Variants in BAZ2A observed in about 807,000 individuals in gnomAD.
BAZ2A encodes bromodomain adjacent to zinc finger domain 2A, also known as bromodomain adjacent to zinc finger domain protein 2A.
BAZ2A carries 34 observed loss-of-function variants against 199.9 expected under a neutral mutation model. The ratio of observed to expected loss-of-function variants is 0.17; its 90% CI spans 0.13 to 0.23. The LOEUF (loss-of-function observed/expected upper bound fraction) is 0.23. Among genes scored for constraint, BAZ2A ranks in the 10% least tolerant of loss-of-function variants. The pLI is 1.00. For synonymous variants in BAZ2A, 857 were observed against 883.9 expected, an observed-to-expected ratio of 0.97 and a Z score of 0.54; for missense variants, 2,002 against 2,391.1, an observed-to-expected ratio of 0.84 and a Z score of 3.39.
intron 24 of BAZ2A, 52 bp downstream of exon 24, chr12:56,600,149 G>C: frequency 6.2e-7 from 1 of 1,612,260 alleles, no homozygotes; most frequent in Admixed American, 1.7e-5. Flanking sequence ...ACTAAAGAGG[G>C]AACTTATCCC....
chr12:56,635,613 G>C lies in BAZ2A; in HGVS notation c.4+569C>G, dbSNP rs891398705. Among the ~76,000 whole-genome samples, 2 of 152,140 alleles carry C rather than the reference G, an allele frequency of 1.3e-5. No individual in the cohort carries two copies. Among genetic ancestry groups the C allele is most frequent in the Admixed American group, 6.5e-5 (1 of 15,276 alleles). On this transcript the variant is annotated intron_variant, in intron 1 of 29. Coordinates refer to the BAZ2A transcript ENST00000379441. This position sits in a 1 kb window ranked among gnomAD's most constrained non-coding sequence, Gnocchi z 4.1. ...GGCCATCAATAGCAGCCCTGGTGAG[G>C]CTGATGTGGGACCATGAGAATCGAC...
At position 56,603,829 on chromosome 12, in the gene BAZ2A, A is replaced by T. The variant is rs548145626; in HGVS notation, c.3039-129T>A. The T allele has an allele frequency of 1.1e-4, 112 of 1,012,846 alleles. 1 individual carries two copies. The African/African-American group carries it at 1.8e-3, about 16-fold the overall frequency. 62.7% of individuals were successfully genotyped at this position (1,012,846 alleles called of 1,614,324 possible). A position where few individuals can be genotyped will look rare whatever the true frequency, so the allele number is the denominator to read the frequency against. Reference sequence around the variant, plus strand: ...GGAGTTCGAGACCAGCCTGGCCAACATGGTGAAACCCTGTCTCTACTAAAA... The same window carrying T: ...GGAGTTCGAGACCAGCCTGGCCAACTTGGTGAAACCCTGTCTCTACTAAAA... On this transcript the variant is annotated intron_variant, in intron 16 of 28. Transcript: ENST00000549884.
At chr12:56,630,654 G>C (rs1345322037), upstream of BAZ2A, 17 of 590,424 alleles carry the variant, frequency 2.9e-5, no homozygotes, top group Non-Finnish European at 3.4e-5. Flanking sequence ...AAGAGTCAGG[G>C]GAATTTCGGG....
upstream of BAZ2A, among the ~76,000 whole-genome samples, chr12:56,631,331 AT>A (rs1188653189): frequency 6.6e-6 from 1 of 151,682 alleles, no homozygotes; most frequent in African/African-American, 2.4e-5. Flanking sequence ...TGCCCCTGTA[AT>A]CTCAGCTACT....
At chr12:56,599,923 G>T in intron 25 of BAZ2A, 41 bp downstream of exon 25, 8 of 1,613,136 alleles carry the variant, frequency 5.0e-6, no homozygotes, top group Non-Finnish European at 6.8e-6. Context: ...CGCCCCTGCT[G>T]GCTGGCCCCT....
rs549785279 is a variant in BAZ2A at position 56,595,901 on chromosome 12, G to C, written c.*2717C>G. ...CCGTCTCCCCCTCAGGTGTGTAGAA[G>C]GGAAGATGAATACACAGAGTCTTTT... On this transcript the variant is annotated 3_prime_UTR_variant, in exon 29 of 29. Coordinates refer to ENST00000549884, the MANE Select transcript of BAZ2A (RefSeq NM_001300905.2). 1 of 90,106 alleles carries C rather than the reference G, an allele frequency of 1.1e-5. No individual in the cohort carries two copies. The highest frequency in any genetic ancestry group is 2.5e-5 in the Non-Finnish European group (1 of 39,372). 5.6% of individuals were successfully genotyped at this position (90,106 alleles called of 1,614,324 possible).
Position 56,598,423 on chromosome 12 carries a change from G to C in BAZ2A, c.*195C>G, listed in dbSNP as rs987895051. ...GACCTCATCTCTGCACCTCTTACTT[G>C]AGGAGCAAGAGGAGGGAAGGGAGAA... On this transcript the variant is annotated 3_prime_UTR_variant, in exon 29 of 29. Transcript: ENST00000549884. The C allele has an allele frequency of 1.5e-4, 99 of 659,280 alleles. No homozygotes were observed. The highest frequency in any genetic ancestry group is 2.4e-4 in the Non-Finnish European group (94 of 396,478). The allele number at this position is 659,280 out of a possible 1,614,324, so 40.8% of individuals were successfully genotyped here. A position where few individuals can be genotyped will look rare whatever the true frequency, so the allele number is the denominator to read the frequency against.
rs772642986 is a variant in BAZ2A, at chr12:56,600,463, T to C, written c.4630A>G (p.Thr1544Ala). 1 of 1,613,094 alleles carries C rather than the reference T, an allele frequency of 6.2e-7. No individual in the cohort carries two copies. Among genetic ancestry groups the C allele is most frequent in the Non-Finnish European group, 8.5e-7 (1 of 1,179,770 alleles). ...TCACAGTAGGCCAAGTCTTCACGGG[T>C]AGAGTCTGGGCTAGGACATGTCCAG... ...RGWTCPSPDS[T>A]REDLAYCEHL... is the part of the protein sequence containing the mutation. The change falls in exon 24 of 29, where the codon ACC (threonine) becomes GCC (alanine). Residue 1544 changes from threonine (T) to alanine (A), a missense_variant. Thr to Ala is a moderately conservative substitution (Grantham distance 58, BLOSUM62 0). This residue lies in a region of BAZ2A where 1,081 missense variants were observed against 1,274.7 expected (regional missense o/e 0.85). Transcript: ENST00000549884.
Position 56,605,169 on chromosome 12 carries a change from G to T in BAZ2A, c.2652C>A (p.Leu884=). The change falls in exon 14 of 29, where the codon CTC becomes CTA. Residue 884 remains leucine, a synonymous_variant. Transcript: ENST00000549884. ...CACCCAAGCTGTCACCTTGACACAG[G>T]AGTCCCTCCTGCAGGACCCCCAGGC... is the stretch of plus-strand genomic sequence containing the variant. The part of the protein sequence containing the change: ...VPSLGVLQEG[L]LCQGDSLGEV... 6.2e-7 allele frequency: 1 copy of T among 1,613,756 alleles called. No individual in the cohort carries two copies. Among genetic ancestry groups the T allele is most frequent in the Non-Finnish European group, 8.5e-7 (1 of 1,179,836 alleles).
chr12:56,636,247 T>C, exon 1 of BAZ2A: 1 of 1,567,102 alleles, frequency 6.4e-7, no homozygotes, highest in Admixed American at 1.9e-5. Context: ...GGGCCTCCAC[T>C]TCACGTAAAG....
At chr12:56,636,136 A>G in intron 1 of BAZ2A, 1 of 1,561,132 alleles carries the variant, frequency 6.4e-7, no homozygotes, top group Non-Finnish European at 8.7e-7. Context: ...CCAGGGAGGG[A>G]GTAGGCATCC....
At chr12:56,621,360 G>T in intron 1 of BAZ2A, 1 of 718,354 alleles carries the variant, frequency 1.4e-6, no homozygotes, top group Non-Finnish European at 1.7e-6. Flanking sequence ...TAGTATGTGA[G>T]ATCAGTTTCT....
At position 56,610,446 on chromosome 12, in the gene BAZ2A, C is replaced by G. The variant is rs1218047037; in HGVS notation, c.1742G>C (p.Cys581Ser). 1 of 1,613,880 alleles carries G rather than the reference C, an allele frequency of 6.2e-7. No homozygotes were observed. The highest frequency in any genetic ancestry group is 1.7e-5 in the Admixed American group (1 of 60,010). ...WQGETWYYGP[C>S]GKRMKQFPEV... is the part of the protein sequence containing the mutation. ...TGGAAATTGCTTCATCCTCTTCCCA[C>G]AGGGGCCATAATACCAGGTCTCCCC... Residue 581 changes from cysteine to serine, a missense_variant, in exon 8 of 29, where the codon TGT becomes TCT. By Grantham distance (112) the Cys-to-Ser change is moderately radical. Around this residue, in one of 6 missense-constraint regions of BAZ2A, gnomAD observed 74 missense variants for 126.1 expected, o/e 0.59. Coordinates refer to ENST00000549884, the MANE Select transcript of BAZ2A (RefSeq NM_001300905.2).
chr12:56,612,758 G>A lies in BAZ2A; in HGVS notation c.1135+257C>T, dbSNP rs1950601174. Among the ~76,000 whole-genome samples the A allele has an allele frequency of 1.3e-5, 2 of 152,326 alleles. 1 individual carries two copies. The highest frequency in any genetic ancestry group is 4.1e-4 in the South Asian group (2 of 4,832). On this transcript the variant is annotated intron_variant, in intron 5 of 28. Coordinates refer to ENST00000549884, the MANE Select transcript of BAZ2A (RefSeq NM_001300905.2). The stretch of plus-strand genomic sequence containing the variant: ...CTGCCTCAGCCTCCCAGGTAGCTGG[G>A]ATTACAGGCATGTGCCAACACACCT...
rs576308680 is a variant in BAZ2A at position 56,613,089 on chromosome 12, T to A, written c.1061A>T (p.Asp354Val). 6.2e-7 allele frequency: 1 copy of A among 1,614,010 alleles called. No homozygotes were observed. Among genetic ancestry groups the A allele is most frequent in the South Asian group, 1.1e-5 (1 of 91,084 alleles). Reference protein sequence around the residue: ...NNATAFSLLADDSQTSTSIFA... With the variant: ...NNATAFSLLAVDSQTSTSIFA... ...GATAGAGGTTGATGTTTGACTATCA[T>A]CTGCCAGGAGACTGAAGGCAGTAGC... The change falls in exon 5 of 29, where the codon GAT (aspartate) becomes GTT (valine). Residue 354 changes from aspartate to valine, a missense_variant. Transcript: ENST00000549884.
upstream of BAZ2A, chr12:56,634,910 G>A (rs1035789676): frequency 1.0e-6 from 1 of 985,136 alleles, no homozygotes; most frequent in African/African-American, 1.7e-5. Context: ...GCCCGCCAAG[G>A]GACTCCGGAG....
rs1006089766 is a variant in BAZ2A, at chr12:56,599,558, T to C, written c.5172+144A>G. ...TTTATAGAGACAGCAATTAAAGCTATAGAATTTAAGTGACTTGTCCAAAAA... is the reference window on the plus strand; with the variant it reads ...TTTATAGAGACAGCAATTAAAGCTACAGAATTTAAGTGACTTGTCCAAAAA... On this transcript the variant is annotated intron_variant, in intron 26 of 28. Transcript: ENST00000549884. The C allele has an allele frequency of 4.6e-6, 6 of 1,311,976 alleles. No individual in the cohort carries two copies. In the African/African-American group the frequency reaches 9.0e-5, roughly 20 times the overall value. The allele number at this position is 1,311,976 out of a possible 1,614,324, so 81.3% of individuals were successfully genotyped here. A position where few individuals can be genotyped will look rare whatever the true frequency, so the allele number is the denominator to read the frequency against.
chr12:56,635,018 G>A, upstream of BAZ2A: 1 of 984,716 alleles, frequency 1.0e-6, no homozygotes, highest in African/African-American at 1.7e-5. The surrounding 1 kb of genome is among the most constrained non-coding windows in gnomAD (Gnocchi z 4.1). Context: ...CGGCGGCTGC[G>A]CCTCCTCCCC....
At chr12:56,614,956 C>T (rs1193022053) in intron 3 of BAZ2A, 58 bp downstream of exon 3, 4 of 1,508,254 alleles carry the variant, frequency 2.7e-6, no homozygotes, top group Non-Finnish European at 3.6e-6. Context: ...CAAAAAGCCA[C>T]TATCCCCCCC....
Sources: allele counts gnomAD v4.1 joint callset (sites outside exome capture counted in the v4.1 genomes callset), GRCh38; gene constraint gnomAD v4.1.1; regional missense constraint gnomAD v4.1.1; non-coding constraint Gnocchi (gnomAD v3.1); transcripts MANE v1.5; gene names NCBI Gene and HGNC (gene_info 2026-07-23, HGNC 2026-07-21).